The following UPRT variants were observed in gnomAD, a reference collection of about 807,000 sequenced individuals.
UPRT encodes RP11-311P8.3.
Under a neutral mutation model 22.6 loss-of-function variants are expected in UPRT, and 5 were observed. The observed-to-expected ratio is 0.22, with a 90% confidence interval of 0.12 to 0.47. UPRT has a LOEUF of 0.47. UPRT is among the 20% of genes least tolerant of loss of function. UPRT has a pLI of 0.99. For synonymous variants in UPRT, 77 were observed against 87.7 expected (o/e 0.88, Z 0.68); for missense variants, 181 against 239.9 (o/e 0.75, Z 1.62).
At chrX:75,291,178 A>G (rs1419758656) in intron 1 of UPRT, among the ~76,000 whole-genome samples, 1 of 111,748 alleles carries the variant, frequency 8.9e-6, no homozygotes, top group East Asian at 2.8e-4. Flanking sequence ...TGTACAATTT[A>G]AAATATGCTC....
chrX:75,260,699 T>C (rs1166884073), intron 4 of UPRT, among the ~76,000 whole-genome samples: 1 of 111,446 alleles, frequency 9.0e-6, no homozygotes, highest in African/African-American at 3.3e-5. Flanking sequence ...ATCAATGAGA[T>C]AGAAGGTCAA....
At chrX:75,288,045 C>T (rs1309590873) in intron 1 of UPRT, among the ~76,000 whole-genome samples, 1 of 111,479 alleles carries the variant, frequency 9.0e-6, no homozygotes, top group Non-Finnish European at 1.9e-5. Context: ...CTATTATGAA[C>T]AACTCTAGAT....
chrX:75,185,908 C>A (rs1355687421), intron 4 of UPRT, among the ~76,000 whole-genome samples: 1 of 111,475 alleles, frequency 9.0e-6, no homozygotes, highest in African/African-American at 3.3e-5. Context: ...TGATTTTTCT[C>A]TCTTTTTTTC....
In UPRT at chrX:75,300,898, G is replaced by A. The variant is rs750373552; in HGVS notation, c.756G>A (p.Lys252=). ...GAAATACTGTAATTGAAGCTGTAAA[G>A]GTTCTTATAGAACATGGAGTTCAAC... ...STGNTVIEAV[K]VLIEHGVQPS... Residue 252 remains lysine, a synonymous_variant, in exon 6 of 7, where the codon AAG becomes AAA. Coordinates refer to ENST00000373383, the MANE Select transcript of UPRT (RefSeq NM_145052.4). The A allele has an allele frequency of 9.9e-6, 12 of 1,208,511 alleles. No individual in the cohort carries two copies. In the South Asian group the frequency reaches 1.8e-4, roughly 18 times the overall value.
intron 1 of UPRT, among the ~76,000 whole-genome samples, chrX:75,284,574 T>C (rs1420604174): frequency 9.0e-6 from 1 of 111,396 alleles, no homozygotes; most frequent in Non-Finnish European, 1.9e-5. Context: ...CTCTTCTGGA[T>C]CCAGCTACCC....
intron 5 of UPRT, among the ~76,000 whole-genome samples, 155 bp from the exon 6 acceptor site, chrX:75,300,712 G>A (rs1569286412): frequency 9.0e-6 from 1 of 110,817 alleles, no homozygotes; most frequent in Non-Finnish European, 1.9e-5. Flanking sequence ...GCTTGAGCCT[G>A]GGAGGTCAAG....
At chrX:75,166,639 G>A (rs182860079) in intron 3 of UPRT, among the ~76,000 whole-genome samples, 129 of 111,343 alleles carry the variant, frequency 1.2e-3, no homozygotes, top group African/African-American at 3.8e-3. Context: ...AAAGATAAAT[G>A]AACAATTCTA....
intron 4 of UPRT, among the ~76,000 whole-genome samples, chrX:75,175,491 C>T (rs1489110346): frequency 8.9e-6 from 1 of 111,853 alleles, no homozygotes; most frequent in Non-Finnish European, 1.9e-5. Flanking sequence ...GAAGGCCGCA[C>T]CAGTGTCCAG....
upstream of UPRT, among the ~76,000 whole-genome samples, chrX:75,273,180 T>C (rs2082617276): frequency 9.0e-6 from 1 of 110,534 alleles, no homozygotes; most frequent in Non-Finnish European, 1.9e-5. Context: ...TACTGCAGAG[T>C]GCATGGTGTG....
At chrX:75,173,747 G>A (rs2082237846) in intron 4 of UPRT, among the ~76,000 whole-genome samples, 1 of 111,907 alleles carries the variant, frequency 8.9e-6, no homozygotes, top group African/African-American at 3.2e-5. Flanking sequence ...TGCCCCGCGG[G>A]AAGGCAGCTA....
At chrX:75,188,171 T>C (rs1302486024) in intron 4 of UPRT, among the ~76,000 whole-genome samples, 1 of 112,165 alleles carries the variant, frequency 8.9e-6, no homozygotes, top group Non-Finnish European at 1.9e-5. Flanking sequence ...ACTTCTGGTC[T>C]TTGATGATGG....
chrX:75,264,979 C>A (rs1181525047), intron 4 of UPRT, among the ~76,000 whole-genome samples: 1 of 111,847 alleles, frequency 8.9e-6, no homozygotes, highest in Admixed American at 9.5e-5. Flanking sequence ...GTTGAAAATT[C>A]TTTTCTTTAA....
intron 4 of UPRT, among the ~76,000 whole-genome samples, chrX:75,247,973 G>A (rs754012273): frequency 2.7e-5 from 3 of 111,912 alleles, no homozygotes; most frequent in Non-Finnish European, 5.6e-5. Context: ...GGTTTGGAGT[G>A]GACCTCCAGT....
chrX:75,265,267 CAG>C (rs1418253351), intron 4 of UPRT, among the ~76,000 whole-genome samples: 1 of 111,808 alleles, frequency 8.9e-6, no homozygotes, highest in East Asian at 2.8e-4. Flanking sequence ...GAATATCCTG[CAG>C]AGTGTTTTCC....
chrX:75,218,126 A>T (rs1422774294), intron 4 of UPRT, among the ~76,000 whole-genome samples: 7 of 112,007 alleles, frequency 6.2e-5, no homozygotes, highest in Non-Finnish European at 9.4e-5. Context: ...GAAAATTTTC[A>T]CAACCTACTC....
intron 4 of UPRT, among the ~76,000 whole-genome samples, chrX:75,183,696 A>G (rs906806490): frequency 9.0e-6 from 1 of 111,568 alleles, no homozygotes. Flanking sequence ...TGTTTCCTGA[A>G]TTTTTAATGA....
At chrX:75,292,854 G>A (rs747359566) in intron 1 of UPRT, among the ~76,000 whole-genome samples, 11 of 111,139 alleles carry the variant, frequency 9.9e-5, no homozygotes, top group Non-Finnish European at 2.1e-4. Context: ...CAGAGGAAAT[G>A]GACAGGAAAA....
At chrX:75,208,285 G>T (rs1009590499) in intron 4 of UPRT, among the ~76,000 whole-genome samples, 11 of 111,451 alleles carry the variant, frequency 9.9e-5, no homozygotes, top group African/African-American at 3.6e-4. Context: ...GACAGATGGA[G>T]GGGCTACAGA....
intron 4 of UPRT, among the ~76,000 whole-genome samples, chrX:75,189,879 C>T (rs5981332): frequency 0.029 from 3,223 of 111,723 alleles, 117 homozygotes; most frequent in African/African-American, 0.1. Context: ...TGTCTCTGCA[C>T]GTGAGATGCA....
Sources: allele counts gnomAD v4.1 joint callset (sites outside exome capture counted in the v4.1 genomes callset), GRCh38; gene constraint gnomAD v4.1.1; transcripts MANE v1.5; gene names NCBI Gene and HGNC (gene_info 2026-07-23, HGNC 2026-07-21).